The following SLC11A2 variants were observed in gnomAD, a reference collection of about 807,000 sequenced individuals.
SLC11A2 encodes solute carrier family 11 member 2.
In SLC11A2, 38 loss-of-function variants were observed where a neutral mutation model predicts 68.0. That is an observed-to-expected ratio of 0.56 (90% confidence interval 0.43 to 0.73). The LOEUF (loss-of-function observed/expected upper bound fraction) is 0.73. Among genes scored for constraint, SLC11A2 ranks in the 30% least tolerant of loss-of-function variants. The probability of loss-of-function intolerance (pLI) is 0.00; values close to 1 mark genes in which losing one functional copy is unlikely to be tolerated. For missense variants in SLC11A2, 517 were observed against 690.5 expected (o/e 0.75, Z 2.82); for synonymous variants, 242 against 250.6 (o/e 0.97, Z 0.32).
chr12:50,993,992 C>CAAAG (rs1491334063), intron 11 of SLC11A2, among the ~76,000 whole-genome samples: 5 of 48,400 alleles, frequency 1.0e-4, no homozygotes, highest in African/African-American at 3.8e-4. Flanking sequence ...ACCTTGTCTC[C>CAAAG]AAAAAAAAAA....
chr12:51,000,297 G>A lies in SLC11A2; in HGVS notation c.536+16C>T, dbSNP rs371517404. ...CCAGCAAAACACTGATGACTTTCTAGAGGAAAACCCCTCACCTTCCTACAG... is the reference window on the plus strand; with the variant it reads ...CCAGCAAAACACTGATGACTTTCTAAAGGAAAACCCCTCACCTTCCTACAG... On this transcript the variant is annotated intron_variant, in intron 6 of 15. Coordinates refer to ENST00000262052, the MANE Select transcript of SLC11A2 (RefSeq NM_000617.3). 11 of 1,558,262 alleles carry A rather than the reference G, an allele frequency of 7.1e-6. No individual in the cohort carries two copies. The African/African-American group carries it at 1.4e-4, about 19-fold the overall frequency.
chr12:50,971,898 A>T, the SLC11A2 span, among the ~76,000 whole-genome samples: 1 of 152,226 alleles, frequency 6.6e-6, no homozygotes, highest in East Asian at 1.9e-4. Flanking sequence ...TGTTCTGTGT[A>T]TTATATACAT....
At chr12:50,978,782 T>A (rs1288539773), downstream of SLC11A2, among the ~76,000 whole-genome samples, 2 of 152,186 alleles carry the variant, frequency 1.3e-5, no homozygotes, top group African/African-American at 4.8e-5. Flanking sequence ...AATACTTGAA[T>A]TTGCAAAAGA....
the SLC11A2 span, among the ~76,000 whole-genome samples, chr12:50,971,530 G>A: frequency 6.6e-6 from 1 of 152,148 alleles, no homozygotes; most frequent in African/African-American, 2.4e-5. Flanking sequence ...AATGTGGTAC[G>A]ACACTGTAGA....
chr12:50,979,726 A>G (rs1939913104), downstream of SLC11A2: 1 of 394,588 alleles, frequency 2.5e-6, no homozygotes, highest in African/African-American at 2.1e-5. Flanking sequence ...TTAAAGTGTC[A>G]TTTTAGAAAA....
At chr12:50,975,488 G>A (rs1275163537), downstream of SLC11A2, among the ~76,000 whole-genome samples, 1 of 152,186 alleles carries the variant, frequency 6.6e-6, no homozygotes, top group African/African-American at 2.4e-5. Flanking sequence ...CACATTTAAA[G>A]CAGTGTGTAG....
chr12:50,974,698 C>T (rs548374497), downstream of SLC11A2, among the ~76,000 whole-genome samples: 1 of 152,194 alleles, frequency 6.6e-6, no homozygotes, highest in South Asian at 2.1e-4. Context: ...GACTGGCAAA[C>T]TGGATGAAGA....
the SLC11A2 span, among the ~76,000 whole-genome samples, chr12:50,957,352 C>T: frequency 2.6e-5 from 4 of 151,710 alleles, no homozygotes; most frequent in South Asian, 6.3e-4. Context: ...GCATGCGCCA[C>T]CACACCTGGC....
chr12:51,001,333 G>C (rs939036678), intron 5 of SLC11A2, among the ~76,000 whole-genome samples: 9 of 151,946 alleles, frequency 5.9e-5, no homozygotes, highest in African/African-American at 2.2e-4. Context: ...GGAGCAAAAT[G>C]ATAAGAACTT....
chr12:51,017,949 G>C (rs1427844530), intron 1 of SLC11A2, among the ~76,000 whole-genome samples: 1 of 152,046 alleles, frequency 6.6e-6, no homozygotes, highest in African/African-American at 2.4e-5. Context: ...CAACTTTTCT[G>C]CAAGTTTGAA....
Position 50,987,111 on chromosome 12 carries a change from G to A in SLC11A2, c.*1214C>T, listed in dbSNP as rs1015493907. On this transcript the variant is annotated 3_prime_UTR_variant, in exon 16 of 16. Coordinates refer to ENST00000262052, the MANE Select transcript of SLC11A2 (RefSeq NM_000617.3). Reference sequence around the variant, plus strand: ...TGGCTGAAGTAAAAGCAGCAGCTTTGTGCTGAAGACACCCATTTCCTCTGA... The same window carrying A: ...TGGCTGAAGTAAAAGCAGCAGCTTTATGCTGAAGACACCCATTTCCTCTGA... 1.0e-5 allele frequency: 13 copies of A among 1,284,818 alleles called. No homozygotes were observed. Among genetic ancestry groups the A allele is most frequent in the African/African-American group, 4.6e-5 (3 of 65,686 alleles). 79.6% of individuals were successfully genotyped at this position (1,284,818 alleles called of 1,614,324 possible).
intron 5 of SLC11A2, 158 bp from the exon 6 acceptor site, chr12:51,000,577 T>C: frequency 3.0e-6 from 2 of 671,992 alleles, no homozygotes; most frequent in Non-Finnish European, 5.4e-6. Flanking sequence ...ACTTGGCCGA[T>C]CACTGCACTG....
At chr12:50,984,964 C>T (rs115106222), downstream of SLC11A2, among the ~76,000 whole-genome samples, 1 of 152,116 alleles carries the variant, frequency 6.6e-6, no homozygotes, top group Non-Finnish European at 1.5e-5. Context: ...TTAAGCTATG[C>T]GAGTTCAAAT....
chr12:50,981,810 A>G (rs1940043836), downstream of SLC11A2: 5 of 1,486,894 alleles, frequency 3.4e-6, no homozygotes, highest in African/African-American at 5.6e-5. Context: ...GGCACTAAGG[A>G]AAAAAAGATG....
chr12:51,021,333 C>T (rs867956167), intron 1 of SLC11A2, among the ~76,000 whole-genome samples: 11 of 151,958 alleles, frequency 7.2e-5, no homozygotes, highest in Non-Finnish European at 1.5e-4. Flanking sequence ...ACTTACAAAA[C>T]CACAATTTCG....
chr12:51,010,294 G>A (rs1488305468), intron 2 of SLC11A2, among the ~76,000 whole-genome samples: 1 of 152,092 alleles, frequency 6.6e-6, no homozygotes, highest in Non-Finnish European at 1.5e-5. Flanking sequence ...GAGACGGGCG[G>A]ATCACTTGAG....
At position 50,986,696 on chromosome 12, in the gene SLC11A2, A is replaced by C; in HGVS notation, c.*1629T>G. 4 of 1,286,996 alleles carry C rather than the reference A, an allele frequency of 3.1e-6. No homozygotes were observed. The highest frequency in any genetic ancestry group is 4.0e-6 in the Non-Finnish European group (4 of 988,512). 79.7% of individuals were successfully genotyped at this position (1,286,996 alleles called of 1,614,324 possible). On this transcript the variant is annotated 3_prime_UTR_variant, in exon 16 of 16. Transcript: ENST00000262052. ...TTGGAGAATTACGATGGTAAGGGGA[A>C]GAGGCAGATATGAAGAGGAATGGTT...
At chr12:51,019,862 C>T (rs914701760) in intron 1 of SLC11A2, among the ~76,000 whole-genome samples, 15 of 151,952 alleles carry the variant, frequency 9.9e-5, no homozygotes, top group Non-Finnish European at 1.2e-4. Flanking sequence ...CCAGGCTGGT[C>T]TTGAACTCCT....
At chr12:50,976,444 C>T (rs1469285895), downstream of SLC11A2, among the ~76,000 whole-genome samples, 1 of 152,104 alleles carries the variant, frequency 6.6e-6, no homozygotes, top group Admixed American at 6.6e-5. Flanking sequence ...ATTCAATAGC[C>T]CTTCATGCTA....
Sources: gnomAD v4.1 joint callset for allele counts (sites outside exome capture counted in the v4.1 genomes callset) on GRCh38, gnomAD v4.1.1 for gene constraint, MANE v1.5 for transcripts, NCBI Gene and HGNC (gene_info 2026-07-23, HGNC 2026-07-21) for gene names.